Variants in DKK2 observed in about 807,000 individuals in gnomAD.
The protein encoded by DKK2 is dickkopf Wnt signaling pathway inhibitor 2.
In DKK2, 11 loss-of-function variants were observed where a neutral mutation model predicts 28.1. That is an observed-to-expected ratio of 0.39 (90% CI 0.25 to 0.65). The LOEUF is 0.65. Ranked by LOEUF, DKK2 falls within the 30% of genes least tolerant of loss-of-function variation. The pLI, the probability that DKK2 is intolerant of heterozygous loss-of-function variation, is 0.47. For missense variants in DKK2, 326 were observed against 335.5 expected, an observed-to-expected ratio of 0.97 and a Z score of 0.22; for synonymous variants, 135 against 126.5, an observed-to-expected ratio of 1.07 and a Z score of -0.45.
intron 1 of DKK2, among the ~76,000 whole-genome samples, chr4:107,007,634 C>T (rs1242670421): frequency 8.6e-5 from 13 of 152,010 alleles, no homozygotes; most frequent in Admixed American, 7.9e-4. Flanking sequence ...AATGTGATTC[C>T]AAATCAGCAG....
chr4:107,008,262 G>A (rs1723465410), intron 1 of DKK2, among the ~76,000 whole-genome samples: 1 of 152,020 alleles, frequency 6.6e-6, no homozygotes, highest in Non-Finnish European at 1.5e-5. Context: ...TTCTGTGTTT[G>A]TTATCATGCT....
intron 1 of DKK2, among the ~76,000 whole-genome samples, chr4:106,969,689 C>T (rs1258699069): frequency 6.6e-6 from 1 of 151,850 alleles, no homozygotes; most frequent in African/African-American, 2.4e-5. Flanking sequence ...TATGCTACTG[C>T]TTTCTAAACT....
At chr4:106,950,392 C>T (rs1459838153) in intron 1 of DKK2, among the ~76,000 whole-genome samples, 3 of 152,114 alleles carry the variant, frequency 2.0e-5, no homozygotes, top group African/African-American at 7.2e-5. Flanking sequence ...TCCAAGATAT[C>T]CACCCTGCCC....
chr4:107,012,451 G>C (rs1192979584), intron 1 of DKK2, among the ~76,000 whole-genome samples: 2 of 151,330 alleles, frequency 1.3e-5, no homozygotes, highest in Non-Finnish European at 3.0e-5. Flanking sequence ...CAATAGGATG[G>C]AGATGTGTTT....
intron 1 of DKK2, among the ~76,000 whole-genome samples, chr4:106,968,755 A>G (rs534964374): frequency 1.3e-5 from 2 of 152,160 alleles, no homozygotes; most frequent in South Asian, 4.1e-4. Flanking sequence ...ATGAGTTGGT[A>G]AGATTCCCAA....
chr4:106,991,347 A>G (rs1378180671), intron 1 of DKK2, among the ~76,000 whole-genome samples: 1 of 152,026 alleles, frequency 6.6e-6, no homozygotes, highest in Non-Finnish European at 1.5e-5. Context: ...GTAGAAATCG[A>G]GGTTTTCATC....
chr4:106,924,485 T>A, intron 3 of DKK2, 60 bp downstream of exon 3: 1 of 1,545,040 alleles, frequency 6.5e-7, no homozygotes, highest in Non-Finnish European at 8.8e-7. Context: ...GAATTAATTA[T>A]CTATATTTTT....
intron 1 of DKK2, among the ~76,000 whole-genome samples, chr4:107,007,118 T>G (rs571680488): frequency 5.3e-5 from 8 of 152,282 alleles, no homozygotes; most frequent in Middle Eastern, 3.4e-3. Flanking sequence ...TATAGAAAGT[T>G]TACTTTTTTA....
intron 1 of DKK2, among the ~76,000 whole-genome samples, chr4:106,963,832 C>G (rs1333322209): frequency 6.6e-6 from 1 of 152,106 alleles, no homozygotes; most frequent in East Asian, 1.9e-4. Context: ...CTATAGCCAC[C>G]TTATTGTGCT....
intron 1 of DKK2, among the ~76,000 whole-genome samples, chr4:106,929,451 G>C (rs1724470356): frequency 6.6e-6 from 1 of 152,154 alleles, no homozygotes; most frequent in African/African-American, 2.4e-5. Flanking sequence ...GGAATACTTA[G>C]CTTCATGCAG....
chr4:106,943,245 C>G (rs1719291127), intron 1 of DKK2, among the ~76,000 whole-genome samples: 1 of 152,094 alleles, frequency 6.6e-6, no homozygotes, highest in African/African-American at 2.4e-5. Context: ...AGATTATGCT[C>G]TGTTGAATTC....
intron 1 of DKK2, among the ~76,000 whole-genome samples, chr4:106,971,850 T>A (rs1722872150): frequency 6.6e-6 from 1 of 152,184 alleles, no homozygotes; most frequent in East Asian, 1.9e-4. Flanking sequence ...GAGTAAATAC[T>A]CATTAGAGGT....
intron 1 of DKK2, among the ~76,000 whole-genome samples, chr4:106,996,279 C>A (rs1322879025): frequency 6.6e-6 from 1 of 152,168 alleles, no homozygotes; most frequent in Non-Finnish European, 1.5e-5. Flanking sequence ...TTAAGAAAGA[C>A]ACAGAATATG....
chr4:106,957,308 C>G (rs1436891788), intron 1 of DKK2, among the ~76,000 whole-genome samples: 5 of 150,744 alleles, frequency 3.3e-5, no homozygotes, highest in African/African-American at 1.2e-4. Flanking sequence ...GTTGGTGGGA[C>G]TGTAAACTAG....
intron 1 of DKK2, among the ~76,000 whole-genome samples, chr4:107,028,561 T>TA (rs1295961987): frequency 2.0e-5 from 3 of 151,910 alleles, no homozygotes; most frequent in South Asian, 2.1e-4. Context: ...ATGGGTATAC[T>TA]AAAAAAAAGA....
intron 1 of DKK2, among the ~76,000 whole-genome samples, chr4:107,024,159 C>T (rs1723736322): frequency 6.6e-6 from 1 of 152,014 alleles, no homozygotes; most frequent in Non-Finnish European, 1.5e-5. Flanking sequence ...CAAAATATGA[C>T]CCTAAAGCTT....
chr4:106,994,602 T>C (rs971979959), intron 1 of DKK2, among the ~76,000 whole-genome samples: 1 of 152,146 alleles, frequency 6.6e-6, no homozygotes, highest in African/African-American at 2.4e-5. Context: ...GAATCTTCTA[T>C]AGAAGAAAAA....
intron 1 of DKK2, among the ~76,000 whole-genome samples, chr4:106,953,488 A>G (rs562426084): frequency 1.3e-5 from 2 of 152,188 alleles, no homozygotes; most frequent in Admixed American, 1.3e-4. Context: ...TGGGGAGGGG[A>G]GCAAAGAAGG....
chr4:107,010,233 C>T (rs1007515006), intron 1 of DKK2, among the ~76,000 whole-genome samples: 2 of 151,600 alleles, frequency 1.3e-5, no homozygotes, highest in Admixed American at 6.6e-5. Flanking sequence ...TGGTTGAAGC[C>T]TCATCAACTT....
Sources: gnomAD v4.1 joint callset for allele counts (sites outside exome capture counted in the v4.1 genomes callset) on GRCh38, gnomAD v4.1.1 for gene constraint, MANE v1.5 for transcripts, NCBI Gene and HGNC (gene_info 2026-07-23, HGNC 2026-07-21) for gene names.